The following FGF14 variants were observed in gnomAD, a reference collection of about 807,000 sequenced individuals.
FGF14 encodes the protein fibroblast growth factor homologous factor 4.
Under a neutral mutation model 25.5 loss-of-function variants are expected in FGF14, and 5 were observed. The observed-to-expected ratio is 0.20, with a 90% CI of 0.10 to 0.41. FGF14 has a LOEUF of 0.41. FGF14 is among the 10% of genes least tolerant of loss of function. The probability of loss-of-function intolerance (pLI) is 1.00; values close to 1 mark genes in which losing one functional copy is unlikely to be tolerated. For synonymous variants in FGF14, 138 were observed against 118.3 expected (o/e 1.17, Z -1.08); for missense variants, 222 against 320.1 (o/e 0.69, Z 2.34).
chr13:101,926,662 G>C (rs1566447141), intron 1 of FGF14, among the ~76,000 whole-genome samples: 1 of 152,178 alleles, frequency 6.6e-6, no homozygotes, highest in Admixed American at 6.5e-5. Context: ...ATAGAATCTA[G>C]CTAAATAAAA....
chr13:102,040,829 T>C (rs896866527), intron 1 of FGF14, among the ~76,000 whole-genome samples: 3 of 152,212 alleles, frequency 2.0e-5, no homozygotes, highest in Non-Finnish European at 2.9e-5. Flanking sequence ...CCAGTGGTTC[T>C]CTATTGATTA....
chr13:102,295,853 G>T (rs1299327626), intron 1 of FGF14, among the ~76,000 whole-genome samples: 1 of 152,102 alleles, frequency 6.6e-6, no homozygotes, highest in East Asian at 1.9e-4. Context: ...CAGCAGCTCT[G>T]GGTCAAGTTC....
intron 1 of FGF14, among the ~76,000 whole-genome samples, chr13:102,325,464 T>C (rs901272804): frequency 6.6e-6 from 1 of 152,218 alleles, no homozygotes; most frequent in African/African-American, 2.4e-5. Context: ...CCACACCCTC[T>C]TGTGCACCCC....
At chr13:101,993,234 G>A (rs187239712) in intron 1 of FGF14, among the ~76,000 whole-genome samples, 19 of 149,336 alleles carry the variant, frequency 1.3e-4, no homozygotes, top group African/African-American at 4.6e-4. Flanking sequence ...CTACCAACCT[G>A]GAATTCTATA....
chr13:102,354,612 CAA>C (rs2057373308), intron 1 of FGF14, among the ~76,000 whole-genome samples: 2 of 152,248 alleles, frequency 1.3e-5, no homozygotes, highest in South Asian at 4.1e-4. Flanking sequence ...TTGAGGCCCA[CAA>C]AGAATTTCCT....
At chr13:102,090,964 T>C (rs2044138941) in intron 1 of FGF14, among the ~76,000 whole-genome samples, 1 of 152,220 alleles carries the variant, frequency 6.6e-6, no homozygotes, top group Non-Finnish European at 1.5e-5. Context: ...GAAACTCATT[T>C]TTATAATAAA....
intron 1 of FGF14, among the ~76,000 whole-genome samples, chr13:102,161,714 AGAAGAAGAAGAATAG>A (rs2047776901): frequency 6.7e-6 from 1 of 150,236 alleles, no homozygotes; most frequent in Non-Finnish European, 1.5e-5. Flanking sequence ...AAGAAGAAGA[AGAAGAAGAAGAATAG>A]AAATGTGTTT....
intron 1 of FGF14, chr13:102,393,889 C>T (rs960869539): frequency 2.0e-5 from 3 of 152,154 alleles, no homozygotes; most frequent in African/African-American, 7.2e-5. Flanking sequence ...CTCTGATGGT[C>T]TCTGAATTTA....
chr13:102,099,407 C>A (rs991671223), intron 1 of FGF14, among the ~76,000 whole-genome samples: 8 of 152,314 alleles, frequency 5.3e-5, no homozygotes, highest in Middle Eastern at 3.4e-3. Context: ...AAATCCTCAA[C>A]CAACTGCCTC....
intron 1 of FGF14, among the ~76,000 whole-genome samples, chr13:102,084,098 A>G (rs750464019): frequency 6.6e-6 from 1 of 152,112 alleles, no homozygotes; most frequent in Non-Finnish European, 1.5e-5. Flanking sequence ...TCATCCTGGA[A>G]TGTGCTTTTC....
At chr13:102,263,658 G>A (rs770446478) in intron 1 of FGF14, among the ~76,000 whole-genome samples, 2 of 152,096 alleles carry the variant, frequency 1.3e-5, no homozygotes, top group African/African-American at 2.4e-5. Context: ...AATAATAAAT[G>A]TTAGCACAGA....
chr13:102,339,565 T>A (rs2056889894), intron 1 of FGF14, among the ~76,000 whole-genome samples: 1 of 152,178 alleles, frequency 6.6e-6, no homozygotes, highest in Non-Finnish European at 1.5e-5. Context: ...ATACAAAGGA[T>A]TTTTTTAAGT....
chr13:101,818,168 C>A (rs1459851761), intron 3 of FGF14, among the ~76,000 whole-genome samples: 2 of 152,166 alleles, frequency 1.3e-5, no homozygotes, highest in Non-Finnish European at 2.9e-5. Context: ...AAGCTTGAAT[C>A]CACTAAGAAT....
intron 4 of FGF14, among the ~76,000 whole-genome samples, chr13:101,723,425 T>C (rs1358834402): frequency 1.3e-5 from 2 of 152,128 alleles, no homozygotes; most frequent in Non-Finnish European, 2.9e-5. Flanking sequence ...ATTTACATCC[T>C]AGAACATTAA....
chr13:102,024,043 T>A (rs1010634376), intron 1 of FGF14, among the ~76,000 whole-genome samples: 2 of 152,096 alleles, frequency 1.3e-5, no homozygotes, highest in African/African-American at 4.8e-5. Context: ...AACATTTCAG[T>A]TGTCTCCACT....
intron 3 of FGF14, among the ~76,000 whole-genome samples, chr13:101,738,845 G>GTATA (rs141289784): frequency 8.1e-5 from 12 of 148,434 alleles, no homozygotes; most frequent in Admixed American, 2.0e-4. Flanking sequence ...TTTGTAATTG[G>GTATA]TATATATATA....
upstream of FGF14, among the ~76,000 whole-genome samples, chr13:101,920,855 C>A (rs1444786833): frequency 6.6e-6 from 1 of 152,160 alleles, no homozygotes; most frequent in Non-Finnish European, 1.5e-5. Context: ...AAAAACATTT[C>A]TCTACCTTTC....
At chr13:102,095,804 T>C (rs1004383633) in intron 1 of FGF14, among the ~76,000 whole-genome samples, 1 of 152,130 alleles carries the variant, frequency 6.6e-6, no homozygotes, top group African/African-American at 2.4e-5. Flanking sequence ...ACAAAACATA[T>C]ACAAAATATG....
At chr13:101,966,466 C>T (rs1236744803) in intron 1 of FGF14, among the ~76,000 whole-genome samples, 2 of 151,612 alleles carry the variant, frequency 1.3e-5, no homozygotes, top group African/African-American at 4.9e-5. Flanking sequence ...GAGAATAAAT[C>T]TTGTGGTTTT....
Sources: allele counts gnomAD v4.1 joint callset (sites outside exome capture counted in the v4.1 genomes callset), GRCh38; gene constraint gnomAD v4.1.1; transcripts MANE v1.5; gene names NCBI Gene and HGNC (gene_info 2026-07-23, HGNC 2026-07-21).